Variants in PCDHA1 observed in about 807,000 individuals in gnomAD.
PCDHA1 encodes the protein protocadherin alpha-1.
In PCDHA1, 42 loss-of-function variants were observed where a neutral mutation model predicts 61.3. The observed-to-expected ratio is 0.69, with a 90% CI of 0.54 to 0.89. The LOEUF is 0.89. PCDHA1 is among the 40% of genes least tolerant of loss of function. PCDHA1 has a pLI of 0.00. For synonymous variants in PCDHA1, 610 were observed against 553.8 expected, an observed-to-expected ratio of 1.10 and a Z score of -1.43; for missense variants, 1,256 against 1,235.3, an observed-to-expected ratio of 1.02 and a Z score of -0.25.
At chr5:140,993,434 AT>A (rs1243337816) in intron 3 of PCDHA1, among the ~76,000 whole-genome samples, 2 of 150,146 alleles carry the variant, frequency 1.3e-5, no homozygotes, top group Non-Finnish European at 3.0e-5. Flanking sequence ...TAAAATCCTT[AT>A]TCATTCCTGT....
intron 1 of PCDHA1, chr5:140,882,788 C>G: frequency 6.2e-7 from 1 of 1,614,216 alleles, no homozygotes; most frequent in Non-Finnish European, 8.5e-7. Flanking sequence ...CCGACTGGAT[C>G]CCAACGATTA....
chr5:140,943,467 G>C lies in PCDHA1; in HGVS notation c.2395-35482G>C, dbSNP rs559827697. 2.0e-5 allele frequency among the ~76,000 whole-genome samples: 3 copies of C among 152,126 alleles called. No individual in the cohort carries two copies. The East Asian group carries it at 5.8e-4, about 29-fold the overall frequency. On this transcript the variant is annotated intron_variant, in intron 1 of 3. Coordinates refer to ENST00000504120, the MANE Select transcript of PCDHA1 (RefSeq NM_018900.4). ...AGAATTGATAAGGCTAAATGTGGGA[G>C]ATACAGTAAAATAATAAATAGATGC... is the stretch of plus-strand genomic sequence containing the variant.
intron 1 of PCDHA1, chr5:140,928,465 G>A: frequency 6.2e-7 from 1 of 1,614,168 alleles, no homozygotes; most frequent in Non-Finnish European, 8.5e-7. Context: ...TCATTTCCAA[G>A]TAGAAGGCCG....
In PCDHA1 at chr5:140,836,671, G is replaced by T. The variant is rs146098956; in HGVS notation, c.2394+47987G>T. Reference sequence around the variant, plus strand: ...CGGCAGAGGGTGTGCTCTGGGGAGGGCCCACCCAAGACAGACCTCATGGCC... The same window carrying T: ...CGGCAGAGGGTGTGCTCTGGGGAGGTCCCACCCAAGACAGACCTCATGGCC... On this transcript the variant is annotated intron_variant, in intron 1 of 3. Transcript: ENST00000504120. 4.3e-6 allele frequency: 7 copies of T among 1,613,400 alleles called. 1 individual carries two copies. The highest frequency in any genetic ancestry group is 5.9e-6 in the Non-Finnish European group (7 of 1,179,594).
intron 1 of PCDHA1, among the ~76,000 whole-genome samples, chr5:140,894,305 T>A (rs1318862417): frequency 6.6e-6 from 1 of 152,078 alleles, no homozygotes; most frequent in East Asian, 1.9e-4. Context: ...TCCTGGAAAG[T>A]TTTCTTAAAT....
intron 1 of PCDHA1, chr5:140,841,073 G>A: frequency 2.0e-6 from 1 of 498,500 alleles, no homozygotes; most frequent in East Asian, 3.4e-5. Context: ...TAAAGAAATA[G>A]AAAGTGCATA....
At chr5:140,858,289 T>A in intron 1 of PCDHA1, 2 of 1,597,184 alleles carry the variant, frequency 1.3e-6, no homozygotes, top group East Asian at 4.5e-5. Context: ...GGAGCTGGTC[T>A]TACTCGCAGC....
chr5:140,835,503 G>A, intron 1 of PCDHA1: 2 of 1,613,910 alleles, frequency 1.2e-6, no homozygotes, highest in Non-Finnish European at 1.7e-6. Flanking sequence ...ATTGATTAGC[G>A]TGTTTGACCG....
intron 1 of PCDHA1, chr5:140,848,167 C>A (rs1554142004): frequency 3.9e-6 from 1 of 254,352 alleles, no homozygotes; most frequent in African/African-American, 2.2e-5. Context: ...TAAGAAGGCT[C>A]CAGCAAGAGA....
chr5:140,830,572 T>G (rs1012149476), intron 1 of PCDHA1: 1 of 871,720 alleles, frequency 1.1e-6, no homozygotes, highest in Non-Finnish European at 1.6e-6. Context: ...TTTCTGTTTT[T>G]AATTTTTAAT....
intron 1 of PCDHA1, among the ~76,000 whole-genome samples, chr5:140,905,211 G>A (rs1554191947): frequency 6.6e-6 from 1 of 152,130 alleles, no homozygotes; most frequent in Non-Finnish European, 1.5e-5. Flanking sequence ...GTTGATTTTT[G>A]TGTAAGGTGA....
At chr5:140,869,908 C>T (rs189065461) in intron 1 of PCDHA1, 51 of 1,610,528 alleles carry the variant, frequency 3.2e-5, no homozygotes, top group African/African-American at 2.4e-4. Flanking sequence ...CGCCACAGAC[C>T]GAGACGAAGG....
intron 1 of PCDHA1, chr5:140,969,611 A>G: frequency 1.4e-6 from 1 of 723,476 alleles, no homozygotes; most frequent in Non-Finnish European, 2.2e-6. Flanking sequence ...TAAAACACAG[A>G]TTTGTAGAGA....
chr5:140,895,733 G>C (rs1554186620), intron 1 of PCDHA1, among the ~76,000 whole-genome samples: 1 of 152,030 alleles, frequency 6.6e-6, no homozygotes, highest in Non-Finnish European at 1.5e-5. Context: ...CCATTCAATG[G>C]GCTGCAAAGG....
At chr5:140,829,999 C>A in intron 1 of PCDHA1, 2 of 1,613,998 alleles carry the variant, frequency 1.2e-6, no homozygotes. Flanking sequence ...CCACTCGTGT[C>A]CTGGACGAAG....
chr5:140,871,386 G>A lies in PCDHA1; in HGVS notation c.2394+82702G>A, dbSNP rs782650816. The A allele has an allele frequency of 3.1e-6, 5 of 1,614,058 alleles. No individual in the cohort carries two copies. In the South Asian group the frequency reaches 4.4e-5, roughly 14 times the overall value. ...GGCGGCAGAGGGTGTGCTCTGAGGA[G>A]GGCCCACCTAAGACGGACCTCATGG... On this transcript the variant is annotated intron_variant, in intron 1 of 3. Coordinates refer to ENST00000504120, the MANE Select transcript of PCDHA1 (RefSeq NM_018900.4).
At position 140,822,730 on chromosome 5, in the gene PCDHA1, A is replaced by G. The variant is rs2150118884; in HGVS notation, c.2394+34046A>G. The G allele has an allele frequency of 2.5e-6, 4 of 1,613,236 alleles. No individual in the cohort carries two copies. The Admixed American group carries it at 5.0e-5, about 20-fold the overall frequency. On this transcript the variant is annotated intron_variant, in intron 1 of 3. Transcript: ENST00000504120. Reference sequence around the variant, plus strand: ...AGACTATAACTCATATGAAATTAATATTGATGCCATGGATAAAAGTACATT... The same window carrying G: ...AGACTATAACTCATATGAAATTAATGTTGATGCCATGGATAAAAGTACATT...
rs1349826822 is a variant in PCDHA1, at chr5:140,911,368, C to A, written c.2395-67581C>A. Reference sequence around the variant, plus strand: ...CCTCATTTCAACAGTAGACACCTGGCAAGGCTGTGCATGCACCTTTCATTG... The same window carrying A: ...CCTCATTTCAACAGTAGACACCTGGAAAGGCTGTGCATGCACCTTTCATTG... On this transcript the variant is annotated intron_variant, in intron 1 of 3. Coordinates refer to ENST00000504120, the MANE Select transcript of PCDHA1 (RefSeq NM_018900.4). 3.3e-5 allele frequency among the ~76,000 whole-genome samples: 5 copies of A among 152,144 alleles called. No homozygotes were observed. The East Asian group carries it at 7.7e-4, about 23-fold the overall frequency.
At chr5:140,913,969 AT>A (rs1304513966) in intron 1 of PCDHA1, among the ~76,000 whole-genome samples, 3 of 152,098 alleles carry the variant, frequency 2.0e-5, no homozygotes, top group Admixed American at 2.0e-4. Context: ...TTAAAAAAAT[AT>A]TTTAGGACTT....
Sources: gnomAD v4.1 joint callset for allele counts (sites outside exome capture counted in the v4.1 genomes callset) on GRCh38, gnomAD v4.1.1 for gene constraint, MANE v1.5 for transcripts, NCBI Gene and HGNC (gene_info 2026-07-23, HGNC 2026-07-21) for gene names.